HS6ST3: variants seen among roughly 807,000 people sequenced by gnomAD.
The protein encoded by HS6ST3 is heparan-sulfate 6-O-sulfotransferase 3.
Under a neutral mutation model 36.7 loss-of-function variants are expected in HS6ST3, and 12 were observed. The ratio of observed to expected loss-of-function variants is 0.33; its 90% CI spans 0.21 to 0.53. HS6ST3 has a LOEUF of 0.53. Ranked by LOEUF, HS6ST3 falls within the 20% of genes least tolerant of loss-of-function variation. The pLI is 0.95. For synonymous variants in HS6ST3, 240 were observed against 257.5 expected (o/e 0.93, Z 0.65); for missense variants, 584 against 640.9 (o/e 0.91, Z 0.96).
intron 1 of HS6ST3, among the ~76,000 whole-genome samples, chr13:96,506,201 A>G (rs200756462): frequency 1.3e-5 from 2 of 152,252 alleles, no homozygotes; most frequent in East Asian, 3.9e-4. Context: ...TAATAATAGT[A>G]ATAGCTTGGA....
chr13:96,190,739 CAGAT>C (rs1461133510), intron 1 of HS6ST3, among the ~76,000 whole-genome samples: 1 of 152,114 alleles, frequency 6.6e-6, no homozygotes, highest in Non-Finnish European at 1.5e-5. Flanking sequence ...AATAAAATAA[CAGAT>C]AGGATAGTTA....
intron 1 of HS6ST3, among the ~76,000 whole-genome samples, chr13:96,627,881 T>C (rs1465620964): frequency 6.6e-6 from 1 of 151,880 alleles, no homozygotes; most frequent in Admixed American, 6.5e-5. Flanking sequence ...ATCTTCTTTT[T>C]CATCTCAGTT....
rs889090659 is a variant in HS6ST3 at position 96,608,194 on chromosome 13, G to A, written c.708-224296G>A. ...TACATGAAAATTAGTCAATAAAGGGGAAATATATAAACATTTATTCTGACT... is the reference window on the plus strand; with the variant it reads ...TACATGAAAATTAGTCAATAAAGGGAAAATATATAAACATTTATTCTGACT... On this transcript the variant is annotated intron_variant, in intron 1 of 1. Transcript: ENST00000376705. Among the ~76,000 whole-genome samples the A allele has an allele frequency of 2.6e-5, 4 of 152,276 alleles. No homozygotes were observed. In the East Asian group the frequency reaches 7.7e-4, roughly 29 times the overall value.
intron 1 of HS6ST3, among the ~76,000 whole-genome samples, chr13:96,149,027 A>T (rs2054071154): frequency 1.3e-5 from 2 of 152,208 alleles, no homozygotes; most frequent in Non-Finnish European, 2.9e-5. Flanking sequence ...TTTAAAGAAA[A>T]TTTTTGCCTT....
At chr13:96,579,562 TA>T (rs376837085) in intron 1 of HS6ST3, among the ~76,000 whole-genome samples, 629 of 144,410 alleles carry the variant, frequency 4.4e-3, no homozygotes, top group Middle Eastern at 0.018. Flanking sequence ...TCTGTTGTGT[TA>T]AAAAAAAAAA....
chr13:96,283,055 A>G (rs1321759132), intron 1 of HS6ST3, among the ~76,000 whole-genome samples: 1 of 152,030 alleles, frequency 6.6e-6, no homozygotes, highest in East Asian at 1.9e-4. Flanking sequence ...TCTCTCCCTC[A>G]CTGTACTCCA....
chr13:96,237,764 G>A (rs1214160014), intron 1 of HS6ST3, among the ~76,000 whole-genome samples: 1 of 152,114 alleles, frequency 6.6e-6, no homozygotes, highest in African/African-American at 2.4e-5. Flanking sequence ...GTCCTTATTG[G>A]TCTTAAGCTT....
chr13:96,709,848 A>G (rs1441281048), intron 1 of HS6ST3, among the ~76,000 whole-genome samples: 1 of 152,212 alleles, frequency 6.6e-6, no homozygotes. Context: ...ATTTTAAGAT[A>G]TACTTTTTAA....
intron 1 of HS6ST3, among the ~76,000 whole-genome samples, chr13:96,409,493 T>C (rs537802641): frequency 4.6e-5 from 7 of 152,266 alleles, no homozygotes; most frequent in African/African-American, 1.7e-4. Context: ...GGAAGAGTGT[T>C]GATAATGAAG....
intron 1 of HS6ST3, among the ~76,000 whole-genome samples, chr13:96,248,989 G>A (rs965257803): frequency 1.3e-5 from 2 of 152,062 alleles, no homozygotes; most frequent in African/African-American, 4.8e-5. Context: ...TGGATTTCTT[G>A]ACAGTTCTCT....
intron 1 of HS6ST3, among the ~76,000 whole-genome samples, chr13:96,522,017 T>C (rs2056095430): frequency 6.6e-6 from 1 of 152,224 alleles, no homozygotes; most frequent in Non-Finnish European, 1.5e-5. Flanking sequence ...TACACACTGC[T>C]TTAAATGTGT....
intron 1 of HS6ST3, among the ~76,000 whole-genome samples, chr13:96,720,491 C>T (rs1056837588): frequency 5.3e-5 from 8 of 151,162 alleles, no homozygotes; most frequent in South Asian, 2.1e-4. Context: ...TTATGGGGGT[C>T]GGAAAAAAAA....
At chr13:96,251,064 A>G (rs576927454) in intron 1 of HS6ST3, among the ~76,000 whole-genome samples, 1 of 152,272 alleles carries the variant, frequency 6.6e-6, no homozygotes, top group South Asian at 2.1e-4. Flanking sequence ...TTCTTGTAGT[A>G]TCCTCATCTG....
At chr13:96,474,060 C>T (rs1008741561) in intron 1 of HS6ST3, among the ~76,000 whole-genome samples, 4 of 152,136 alleles carry the variant, frequency 2.6e-5, no homozygotes, top group Admixed American at 2.0e-4. Flanking sequence ...CTGCTGTCAA[C>T]CTACAATGAG....
intron 1 of HS6ST3, among the ~76,000 whole-genome samples, chr13:96,607,435 A>C (rs2056442980): frequency 6.6e-6 from 1 of 152,232 alleles, no homozygotes; most frequent in Non-Finnish European, 1.5e-5. Flanking sequence ...GCACTTCCTG[A>C]GGAATTTATT....
At chr13:96,407,278 T>C (rs886840304) in intron 1 of HS6ST3, among the ~76,000 whole-genome samples, 1 of 152,226 alleles carries the variant, frequency 6.6e-6, no homozygotes, top group African/African-American at 2.4e-5. Flanking sequence ...GGTCAATGAT[T>C]CTTACATCCT....
intron 1 of HS6ST3, among the ~76,000 whole-genome samples, chr13:96,626,414 TTA>T (rs1441706958): frequency 6.6e-6 from 1 of 152,210 alleles, no homozygotes; most frequent in Non-Finnish European, 1.5e-5. Context: ...ACTCTGTCAA[TTA>T]TGTTTTCACA....
chr13:96,494,733 G>A (rs765867734), intron 1 of HS6ST3, among the ~76,000 whole-genome samples: 9 of 151,908 alleles, frequency 5.9e-5, no homozygotes, highest in Non-Finnish European at 1.2e-4. Flanking sequence ...CTTTCAGCAC[G>A]TCTTCGGTAT....
intron 1 of HS6ST3, among the ~76,000 whole-genome samples, chr13:96,766,430 T>A (rs1478397742): frequency 6.6e-6 from 1 of 152,170 alleles, no homozygotes; most frequent in Non-Finnish European, 1.5e-5. Flanking sequence ...ATTTTCCCCC[T>A]ATTTTCTTCA....
Sources: gnomAD v4.1 joint callset for allele counts (sites outside exome capture counted in the v4.1 genomes callset) on GRCh38, gnomAD v4.1.1 for gene constraint, MANE v1.5 for transcripts, NCBI Gene and HGNC (gene_info 2026-07-23, HGNC 2026-07-21) for gene names.